The following HAUS1 variants were observed in gnomAD, a reference collection of about 807,000 sequenced individuals.
HAUS1 encodes HAUS augmin like complex subunit 1.
A neutral mutation model predicts 38.6 loss-of-function variants in HAUS1; 25 were observed. The observed-to-expected ratio is 0.65, with a 90% CI of 0.47 to 0.91. HAUS1 has a LOEUF of 0.91. Among genes scored for constraint, HAUS1 ranks in the 40% least tolerant of loss-of-function variants. The pLI, the probability that HAUS1 is intolerant of heterozygous loss-of-function variation, is 0.00. For missense variants in HAUS1, 325 were observed against 328.4 expected, an observed-to-expected ratio of 0.99 and a Z score of 0.08; for synonymous variants, 109 against 112.9, an observed-to-expected ratio of 0.97 and a Z score of 0.22.
At chr18:46,119,115 C>T (rs1211479551) in intron 3 of HAUS1, among the ~76,000 whole-genome samples, 1 of 152,092 alleles carries the variant, frequency 6.6e-6, no homozygotes, top group Non-Finnish European at 1.5e-5. Flanking sequence ...GTGATCTACC[C>T]ACCTCTGCCT....
chr18:46,104,419 C>G lies in HAUS1; in HGVS notation c.8C>G (p.Pro3Arg). Reference protein sequence around the residue: MEPQEERETQVAA... With the variant: MERQEERETQVAA... ...GTGGCGGGAGCCGCAGCTATGGAGC[C>G]GCAGGAGGAGAGAGAAACGCAGGTG... is the stretch of plus-strand genomic sequence containing the variant. The change falls in exon 1 of 9, where the codon CCG becomes CGG. Residue 3 changes from proline (P) to arginine (R), a missense_variant. Coordinates refer to ENST00000282058, the MANE Select transcript of HAUS1 (RefSeq NM_138443.4). 6.8e-7 allele frequency: 1 copy of G among 1,462,058 alleles called. No individual in the cohort carries two copies. Among genetic ancestry groups the G allele is most frequent in the East Asian group, 2.9e-5 (1 of 34,836 alleles). 90.6% of individuals were successfully genotyped at this position (1,462,058 alleles called of 1,614,324 possible).
At chr18:46,120,587 T>C (rs1015816695) in intron 4 of HAUS1, among the ~76,000 whole-genome samples, 2 of 151,694 alleles carry the variant, frequency 1.3e-5, no homozygotes, top group African/African-American at 4.8e-5. Flanking sequence ...TTTCTTACCT[T>C]ATTTTTTTTT....
intron 2 of HAUS1, 189 bp downstream of exon 2, chr18:46,105,557 T>C (rs1362109819): frequency 2.3e-5 from 6 of 266,510 alleles, no homozygotes; most frequent in Non-Finnish European, 4.0e-5. Flanking sequence ...TGTATGTGTG[T>C]GTGTGTGTGT....
At chr18:46,110,325 T>G (rs1911586763) in intron 2 of HAUS1, among the ~76,000 whole-genome samples, 1 of 143,368 alleles carries the variant, frequency 7.0e-6, no homozygotes, top group South Asian at 2.2e-4. Flanking sequence ...CCAGCTTATT[T>G]TTTTAAGGTT....
intron 2 of HAUS1, among the ~76,000 whole-genome samples, chr18:46,110,289 A>C (rs1359739496): frequency 7.3e-6 from 1 of 137,300 alleles, no homozygotes; most frequent in Non-Finnish European, 1.5e-5. Context: ...CCAAGTAGAT[A>C]GGACTACAGG....
In HAUS1 at chr18:46,128,097, C is replaced by G; in HGVS notation, c.809C>G (p.Thr270Arg). The part of the protein sequence containing the change: ...RELDSIEAEL[T>R]RRVDMMEL ...TAGGATAGCATTGAAGCTGAACTTACAAGAAGAGTAGACATGATGGAACTG... is the reference window on the plus strand; with the variant it reads ...TAGGATAGCATTGAAGCTGAACTTAGAAGAAGAGTAGACATGATGGAACTG... Residue 270 changes from threonine (T) to arginine (R), a missense_variant, in exon 9 of 9, where the codon ACA (threonine) becomes AGA (arginine). Coordinates refer to ENST00000282058, the MANE Select transcript of HAUS1 (RefSeq NM_138443.4). 1 of 1,588,452 alleles carries G rather than the reference C, an allele frequency of 6.3e-7. No homozygotes were observed. Among genetic ancestry groups the G allele is most frequent in the Non-Finnish European group, 8.5e-7 (1 of 1,170,362 alleles).
In HAUS1 at chr18:46,124,248, A is replaced by G. The variant is rs1912032712; in HGVS notation, c.667-574A>G. 3.3e-5 allele frequency among the ~76,000 whole-genome samples: 5 copies of G among 151,960 alleles called. 1 individual carries two copies. Among genetic ancestry groups the G allele is most frequent in the Admixed American group, 3.3e-4 (5 of 15,226 alleles). On this transcript the variant is annotated intron_variant, in intron 6 of 8. Transcript: ENST00000282058. ...AAAATGGCGAAACCTCATCTCTACT[A>G]AAAATACAAAAATTAGCCAGGCATG... is the stretch of plus-strand genomic sequence containing the variant.
chr18:46,116,265 C>A (rs1911794175), intron 2 of HAUS1, among the ~76,000 whole-genome samples: 1 of 151,746 alleles, frequency 6.6e-6, no homozygotes, highest in African/African-American at 2.4e-5. Flanking sequence ...AGAACTCTTA[C>A]AACTCAATAA....
intron 2 of HAUS1, among the ~76,000 whole-genome samples, chr18:46,113,966 A>G (rs1911740020): frequency 6.6e-6 from 1 of 152,220 alleles, no homozygotes; most frequent in South Asian, 2.1e-4. Flanking sequence ...GTTTGGGTCA[A>G]GCTGACTTCC....
At chr18:46,111,215 T>C (rs1156372653) in intron 2 of HAUS1, among the ~76,000 whole-genome samples, 1 of 152,190 alleles carries the variant, frequency 6.6e-6, no homozygotes. Flanking sequence ...TATGTCTGTT[T>C]GTAGTTCTCT....
intron 2 of HAUS1, among the ~76,000 whole-genome samples, chr18:46,105,864 A>G (rs1391870346): frequency 6.6e-6 from 1 of 152,146 alleles, no homozygotes; most frequent in Non-Finnish European, 1.5e-5. Flanking sequence ...TAGAGGCATG[A>G]GCCACCCTGC....
chr18:46,111,022 A>C lies in HAUS1; in HGVS notation c.205+5654A>C, dbSNP rs891277876. On this transcript the variant is annotated intron_variant, in intron 2 of 8. Coordinates refer to ENST00000282058, the MANE Select transcript of HAUS1 (RefSeq NM_138443.4). ...CTCCTGGGTAGCTGGGACTACAGGC[A>C]TGGGCCACCATGCCTGGCTAATGTT... 3.3e-5 allele frequency among the ~76,000 whole-genome samples: 5 copies of C among 151,312 alleles called. No homozygotes were observed. In the Admixed American group the frequency reaches 3.3e-4, roughly 10 times the overall value.
At chr18:46,119,811 A>C (rs1911888116) in intron 3 of HAUS1, 115 bp from the exon 4 acceptor site, 2 of 884,718 alleles carry the variant, frequency 2.3e-6, no homozygotes, top group African/African-American at 1.7e-5. Flanking sequence ...GCATAAAGGT[A>C]TGAACAGCAT....
At chr18:46,106,954 G>A (rs1483887364) in intron 2 of HAUS1, 1 of 152,128 alleles carries the variant, frequency 6.6e-6, no homozygotes, top group Non-Finnish European at 1.5e-5. Context: ...GGTGGAGGCT[G>A]AAGTGAGCAG....
intron 8 of HAUS1, among the ~76,000 whole-genome samples, chr18:46,127,718 A>G (rs1381507775): frequency 1.3e-5 from 2 of 152,022 alleles, no homozygotes; most frequent in Non-Finnish European, 2.9e-5. Flanking sequence ...AAAAAAAAAA[A>G]AAAAAACACA....
chr18:46,112,552 T>C (rs1599809828), intron 2 of HAUS1, among the ~76,000 whole-genome samples: 1 of 19,486 alleles, frequency 5.1e-5, no homozygotes, highest in Non-Finnish European at 8.4e-5. Flanking sequence ...ATATATAATA[T>C]ATATAATGTG....
At chr18:46,105,435 A>G (rs1911437403) in intron 2 of HAUS1, 67 bp downstream of exon 2, 1 of 1,346,016 alleles carries the variant, frequency 7.4e-7, no homozygotes, top group South Asian at 1.4e-5. Context: ...ACACTAAAGT[A>G]TACAGGATTA....
In HAUS1 at chr18:46,119,950, G is replaced by C; in HGVS notation, c.366G>C (p.Leu122Phe). 24 of 1,604,286 alleles carry C rather than the reference G, an allele frequency of 1.5e-5. No individual in the cohort carries two copies. The highest frequency in any genetic ancestry group is 2.0e-5 in the Non-Finnish European group (24 of 1,177,152). Residue 122 changes from leucine to phenylalanine, a missense_variant, in exon 4 of 9, where the codon TTG becomes TTC. Leu to Phe is a conservative substitution (Grantham distance 22). Coordinates refer to ENST00000282058, the MANE Select transcript of HAUS1 (RefSeq NM_138443.4). ...LASFIPAVND[L>F]TSDLFRTKSK... is the part of the protein sequence containing the mutation. ...GTTTTATCCCTGCAGTGAATGATTT[G>C]ACCTCTGATCTCTTTCGTACCAAAT...
intron 2 of HAUS1, among the ~76,000 whole-genome samples, chr18:46,107,419 C>T (rs892083132): frequency 2.6e-5 from 4 of 152,106 alleles, no homozygotes; most frequent in African/African-American, 9.7e-5. Context: ...CAGGGTGATA[C>T]ATATTAAATA....
Sources: gnomAD v4.1 joint callset for allele counts (sites outside exome capture counted in the v4.1 genomes callset) on GRCh38, gnomAD v4.1.1 for gene constraint, MANE v1.5 for transcripts, NCBI Gene and HGNC (gene_info 2026-07-23, HGNC 2026-07-21) for gene names.